Variants in THSD7B observed in about 807,000 individuals in gnomAD.
THSD7B encodes the protein thrombospondin type-1 domain-containing protein 7B.
In THSD7B, 138 loss-of-function variants were observed where a neutral mutation model predicts 213.6. The observed-to-expected ratio is 0.65, with a 90% CI of 0.56 to 0.74. THSD7B has a LOEUF of 0.74. Ranked by LOEUF, THSD7B falls within the 30% of genes least tolerant of loss-of-function variation. The pLI, the probability that THSD7B is intolerant of heterozygous loss-of-function variation, is 0.00. For missense variants in THSD7B, 1,931 were observed against 1,991.5 expected (o/e 0.97, Z 0.58); for synonymous variants, 742 against 687.0 (o/e 1.08, Z -1.25).
intron 10 of THSD7B, among the ~76,000 whole-genome samples, chr2:137,271,342 A>T (rs1028849157): frequency 8.1e-5 from 12 of 148,166 alleles, no homozygotes; most frequent in African/African-American, 2.5e-4. Flanking sequence ...GCCCTTCTTC[A>T]AAGTGCTTCC....
chr2:137,198,125 G>C (rs1680802212), intron 7 of THSD7B, among the ~76,000 whole-genome samples: 1 of 152,098 alleles, frequency 6.6e-6, no homozygotes, highest in Non-Finnish European at 1.5e-5. Flanking sequence ...AGGATAAAAA[G>C]AGAAATGGAA....
At chr2:137,666,864 A>T (rs987743348) in intron 26 of THSD7B, among the ~76,000 whole-genome samples, 5 of 152,146 alleles carry the variant, frequency 3.3e-5, no homozygotes, top group African/African-American at 4.8e-5. Flanking sequence ...AACATAATAG[A>T]TTAAAATATA....
chr2:137,451,347 T>C (rs1229961460), intron 15 of THSD7B, among the ~76,000 whole-genome samples: 5 of 151,662 alleles, frequency 3.3e-5, no homozygotes, highest in Non-Finnish European at 5.9e-5. Flanking sequence ...TATATATGTC[T>C]AAATATATAC....
chr2:137,183,738 A>C (rs1281756308), intron 7 of THSD7B, among the ~76,000 whole-genome samples: 1 of 152,126 alleles, frequency 6.6e-6, no homozygotes, highest in Non-Finnish European at 1.5e-5. Flanking sequence ...CCCAGTGTCA[A>C]AACAAGGGAC....
chr2:137,589,364 T>C (rs555744156), intron 17 of THSD7B, among the ~76,000 whole-genome samples: 42 of 152,296 alleles, frequency 2.8e-4, no homozygotes, highest in Admixed American at 2.6e-3. Context: ...CTACCCAGAA[T>C]CATATAAATA....
rs1217697834 is a variant in THSD7B at position 136,776,905 on chromosome 2, G to A, written c.-36+11218G>A. ...CCAGAAAGAAAACATACAGATATTT[G>A]AATGATAGGAAAATGATTCTAAGAT... On this transcript the variant is annotated intron_variant, in intron 1 of 27. Coordinates refer to ENST00000409968, the MANE Select transcript of THSD7B (RefSeq NM_001316349.2). Among the ~76,000 whole-genome samples, 17 of 152,080 alleles carry A rather than the reference G, an allele frequency of 1.1e-4. 1 individual carries two copies. Among genetic ancestry groups the A allele is most frequent in the Non-Finnish European group, 1.9e-4 (13 of 67,948 alleles).
chr2:137,467,483 G>C (rs914733879), intron 15 of THSD7B, among the ~76,000 whole-genome samples: 4 of 152,142 alleles, frequency 2.6e-5, no homozygotes, highest in African/African-American at 9.7e-5. Flanking sequence ...CTGGTCTGCA[G>C]ATTACACTTT....
chr2:137,114,341 C>T (rs1435807087), intron 4 of THSD7B, among the ~76,000 whole-genome samples: 1 of 152,106 alleles, frequency 6.6e-6, no homozygotes, highest in African/African-American at 2.4e-5. Flanking sequence ...GAAATTCTGC[C>T]TAAAATAATT....
chr2:136,957,263 T>C (rs1200472768), intron 2 of THSD7B, among the ~76,000 whole-genome samples: 3 of 152,126 alleles, frequency 2.0e-5, no homozygotes, highest in Non-Finnish European at 4.4e-5. Context: ...TGAGAGAAGG[T>C]AGGACTGTAT....
chr2:137,556,634 C>G (rs1030095610), intron 15 of THSD7B, among the ~76,000 whole-genome samples: 1 of 152,168 alleles, frequency 6.6e-6, no homozygotes, highest in Non-Finnish European at 1.5e-5. Context: ...ACTGCATCAA[C>G]TAATGAGCAA....
At chr2:137,380,724 G>A (rs908962620) in intron 12 of THSD7B, among the ~76,000 whole-genome samples, 1 of 152,226 alleles carries the variant, frequency 6.6e-6, no homozygotes, top group African/African-American at 2.4e-5. Flanking sequence ...TAAGGAAAGT[G>A]CATGTGCTGT....
chr2:137,557,768 A>G (rs1681010354), intron 15 of THSD7B, among the ~76,000 whole-genome samples: 1 of 152,228 alleles, frequency 6.6e-6, no homozygotes, highest in Admixed American at 6.5e-5. Context: ...AAAACAATGA[A>G]TCCAGGAGCT....
intron 16 of THSD7B, among the ~76,000 whole-genome samples, chr2:137,565,950 C>A (rs1244114082): frequency 1.3e-5 from 2 of 152,050 alleles, no homozygotes; most frequent in South Asian, 2.1e-4. Flanking sequence ...CTGAGGTAGC[C>A]CTAGAAAACA....
chr2:137,008,866 T>G (rs1253571471), intron 2 of THSD7B, among the ~76,000 whole-genome samples: 2 of 152,214 alleles, frequency 1.3e-5, no homozygotes, highest in Non-Finnish European at 2.9e-5. Flanking sequence ...CATTTTTGAA[T>G]GAAGTCCCCA....
At chr2:137,459,705 C>T (rs1028021783) in intron 15 of THSD7B, among the ~76,000 whole-genome samples, 1 of 151,790 alleles carries the variant, frequency 6.6e-6, no homozygotes, top group Admixed American at 6.6e-5. Flanking sequence ...ATAATAATCT[C>T]TCTAAGGAAC....
chr2:137,070,581 C>G (rs1573802152), intron 3 of THSD7B, among the ~76,000 whole-genome samples: 1 of 150,414 alleles, frequency 6.6e-6, no homozygotes, highest in South Asian at 2.1e-4. Flanking sequence ...TATTATTATA[C>G]TTTAAGTTTT....
intron 2 of THSD7B, among the ~76,000 whole-genome samples, chr2:136,990,180 G>A (rs1042484545): frequency 2.0e-5 from 3 of 152,218 alleles, no homozygotes; most frequent in Non-Finnish European, 2.9e-5. Context: ...TGTAGTTAAC[G>A]GCGGAGCCCA....
At chr2:137,526,077 C>T (rs1680272151) in intron 15 of THSD7B, among the ~76,000 whole-genome samples, 1 of 152,064 alleles carries the variant, frequency 6.6e-6, no homozygotes, top group African/African-American at 2.4e-5. Flanking sequence ...CTCTGCTGCT[C>T]TTCTCCCTCC....
At chr2:137,663,716 T>C (rs1558876076) in intron 26 of THSD7B, 141 bp downstream of exon 26, 4 of 756,548 alleles carry the variant, frequency 5.3e-6, no homozygotes, top group Non-Finnish European at 4.2e-6. Flanking sequence ...TCAGGGTTTC[T>C]CAGATTTGAA....
Sources: allele counts gnomAD v4.1 joint callset (sites outside exome capture counted in the v4.1 genomes callset), GRCh38; gene constraint gnomAD v4.1.1; transcripts MANE v1.5; gene names NCBI Gene and HGNC (gene_info 2026-07-23, HGNC 2026-07-21).